The following BSCL2 variants were observed in gnomAD, a reference collection of about 807,000 sequenced individuals.
BSCL2 encodes seipin.
In BSCL2, 41 loss-of-function variants were observed where a neutral mutation model predicts 57.4. The ratio of observed to expected loss-of-function variants is 0.71; its 90% confidence interval spans 0.56 to 0.93. The LOEUF is 0.93. Among genes scored for constraint, BSCL2 ranks in the 40% least tolerant of loss-of-function variants. BSCL2 has a pLI of 0.00. For synonymous variants in BSCL2, 237 were observed against 227.3 expected, an observed-to-expected ratio of 1.04 and a Z score of -0.38; for missense variants, 539 against 586.7, an observed-to-expected ratio of 0.92 and a Z score of 0.84.
chr11:62,701,583 A>T (rs1945639754), intron 3 of BSCL2, among the ~76,000 whole-genome samples: 1 of 152,174 alleles, frequency 6.6e-6, no homozygotes, highest in African/African-American at 2.4e-5. Context: ...GACGCCTATA[A>T]TCCCAGCACT....
chr11:62,691,219 A>G, intron 7 of BSCL2, 61 bp downstream of exon 7: 2 of 1,613,980 alleles, frequency 1.2e-6, no homozygotes, highest in South Asian at 1.1e-5. Context: ...TTAATCCCCA[A>G]CATACCCCTG....
intron 3 of BSCL2, among the ~76,000 whole-genome samples, chr11:62,697,942 C>T (rs1177012642): frequency 6.8e-6 from 1 of 147,532 alleles, no homozygotes; most frequent in East Asian, 2.0e-4. Context: ...GAGTCTCGCT[C>T]TGTCGCCCAG....
In BSCL2 at chr11:62,692,378, G is replaced by C. The variant is rs370926100; in HGVS notation, c.861C>G (p.Leu287=). ...YLRIHAHFTG[L]RYLLYNFPMT... is the part of the protein sequence containing the mutation. The stretch of plus-strand genomic sequence containing the variant: ...GTTCACTCCAGTTGGCCCCTCACCT[G>C]AGCCCAGTGAAGTGCGCGTGGATGC... Residue 287 remains leucine, a splice_region_variant and synonymous_variant, in exon 6 of 11, where the codon CTC becomes CTG. Transcript: ENST00000360796. 1 of 1,614,010 alleles carries C rather than the reference G, an allele frequency of 6.2e-7. No homozygotes were observed. The highest frequency in any genetic ancestry group is 8.5e-7 in the Non-Finnish European group (1 of 1,180,016).
intron 1 of BSCL2, chr11:62,706,789 T>A (rs1268029625): frequency 1.8e-6 from 1 of 568,652 alleles, no homozygotes; most frequent in Non-Finnish European, 3.4e-6. Flanking sequence ...GCAGGCAGAT[T>A]AGTGCCCTGT....
chr11:62,708,836 C>A, upstream of BSCL2: 1 of 1,554,684 alleles, frequency 6.4e-7, no homozygotes, highest in South Asian at 1.1e-5. Flanking sequence ...CAACTCCTCC[C>A]TTTTCCCTCT....
chr11:62,699,898 C>T (rs969685398), intron 3 of BSCL2, among the ~76,000 whole-genome samples: 1 of 151,270 alleles, frequency 6.6e-6, no homozygotes, highest in African/African-American at 2.4e-5. Context: ...AGGCTGGTCA[C>T]GAACTCCTGA....
intron 3 of BSCL2, chr11:62,697,350 A>G (rs1945501258): frequency 6.9e-6 from 1 of 144,532 alleles, no homozygotes; most frequent in African/African-American, 2.6e-5. Context: ...AGCCGAGATC[A>G]TGTCACTGCA....
rs2083506488 is a variant in BSCL2 at position 62,705,172 on chromosome 11, T to C, written c.404+129A>G. On this transcript the variant is annotated intron_variant, in intron 2 of 10. Transcript: ENST00000360796. ...AAATCTAGCCTTGGGCTGTGAAAGT[T>C]GAGAGGCCCTGGAAGCACACCTGGC... The C allele has an allele frequency of 2.7e-5, 28 of 1,030,296 alleles. No homozygotes were observed. The South Asian group carries it at 3.9e-4, about 14-fold the overall frequency. 63.8% of individuals were successfully genotyped at this position (1,030,296 alleles called of 1,614,324 possible).
intron 1 of BSCL2, chr11:62,706,289 G>C (rs1032452661): frequency 1.6e-4 from 182 of 1,117,390 alleles, no homozygotes; most frequent in Non-Finnish European, 1.9e-4. Flanking sequence ...GCAACCGTGA[G>C]ACGGGACTTC....
chr11:62,697,892 A>T lies in BSCL2; in HGVS notation c.487-3181T>A, dbSNP rs371166205. Among the ~76,000 whole-genome samples the T allele has an allele frequency of 2.6e-5, 4 of 150,986 alleles. No individual in the cohort carries two copies. The South Asian group carries it at 6.3e-4, about 24-fold the overall frequency. On this transcript the variant is annotated intron_variant, in intron 3 of 10. Transcript: ENST00000360796. Reference sequence around the variant, plus strand: ...TCTAATTCTTCACGAATGCTTCTGGAATGCAGAATCCACATCCTTTTTTTT... The same window carrying T: ...TCTAATTCTTCACGAATGCTTCTGGTATGCAGAATCCACATCCTTTTTTTT...
At chr11:62,707,070 C>A (rs1002299839) in intron 1 of BSCL2, 39 bp downstream of exon 1, 2 of 1,521,448 alleles carry the variant, frequency 1.3e-6, no homozygotes, top group Non-Finnish European at 1.8e-6. Context: ...CACCTATTTC[C>A]AGTATATTTC....
intron 3 of BSCL2, 112 bp downstream of exon 3, chr11:62,702,356 G>A (rs918562797): frequency 3.5e-5 from 35 of 990,324 alleles, no homozygotes; most frequent in Middle Eastern, 2.2e-4. Flanking sequence ...GTGAGCCACC[G>A]TGCCCGGCCA....
intron 3 of BSCL2, among the ~76,000 whole-genome samples, chr11:62,695,247 G>A (rs1314511238): frequency 6.6e-6 from 1 of 152,144 alleles, no homozygotes; most frequent in East Asian, 1.9e-4. Context: ...ACCCTCAAGA[G>A]GTTAAAGATT....
At chr11:62,708,210 C>A, upstream of BSCL2, 1 of 880,834 alleles carries the variant, frequency 1.1e-6, no homozygotes, top group Non-Finnish European at 2.0e-6. Context: ...GGTATGACCA[C>A]AGCCTTGTAA....
Position 62,705,795 on chromosome 11 carries a change from T to G in BSCL2, c.88-178A>C, listed in dbSNP as rs1401626155. 4 of 651,118 alleles carry G rather than the reference T, an allele frequency of 6.1e-6. No homozygotes were observed. The African/African-American group carries it at 7.3e-5, about 12-fold the overall frequency. The allele number at this position is 651,118 out of a possible 1,614,324, so 40.3% of individuals were successfully genotyped here. ...TCTGCCAATTACCCCTTCCCTTTCC[T>G]CCACTGTGTTCCCTCCCGCCCAGTG... On this transcript the variant is annotated intron_variant, in intron 1 of 10. Transcript: ENST00000360796.
intron 1 of BSCL2, chr11:62,706,635 C>T (rs1172938093): frequency 6.3e-6 from 3 of 473,002 alleles, no homozygotes; most frequent in African/African-American, 4.0e-5. Flanking sequence ...CCATTTCACC[C>T]GCGAAGCGGC....
chr11:62,706,771 G>C, intron 1 of BSCL2: 1 of 548,482 alleles, frequency 1.8e-6, no homozygotes, highest in South Asian at 1.5e-5. Flanking sequence ...GGCCTCTTGC[G>C]TTGTTGCGCA....
In BSCL2 at chr11:62,692,792, C is replaced by T; in HGVS notation, c.636G>A (p.Met212Ile). ...RIISTSSRSV[M>I]LHYRSDLLQM... ...GGAGCAGGTCTGAGCGGTAATGCAG[C>T]ATCACCTGCCGGGGGTGGGAAGCAG... The change falls in exon 5 of 11, where the codon ATG becomes ATA. Residue 212 changes from methionine (M) to isoleucine (I), a missense_variant. Met to Ile is a conservative substitution (Grantham distance 10). Transcript: ENST00000360796. 1 of 1,613,330 alleles carries T rather than the reference C, an allele frequency of 6.2e-7. No homozygotes were observed. The highest frequency in any genetic ancestry group is 8.5e-7 in the Non-Finnish European group (1 of 1,179,996).
chr11:62,690,802 C>T lies in BSCL2; in HGVS notation c.1138G>A (p.Asp380Asn), dbSNP rs368900617. ...TGCGCCATACCTGTCCCTGAGGGAT[C>T]TTCAGGGCTCTCACCATCCTCTGTA... ...DVTEDGESPE[D>N]PSGTEGQLSE... is the part of the protein sequence containing the mutation. The change falls in exon 9 of 11, where the codon GAT (aspartate) becomes AAT (asparagine). Residue 380 changes from aspartate (D) to asparagine (N), a missense_variant. This residue lies in a region of BSCL2 where 248 missense variants were observed against 239.9 expected (regional missense o/e 1.03). Coordinates refer to ENST00000360796, the MANE Select transcript of BSCL2 (RefSeq NM_001122955.4). 2 of 1,613,552 alleles carry T rather than the reference C, an allele frequency of 1.2e-6. No homozygotes were observed. Among genetic ancestry groups the T allele is most frequent in the African/African-American group, 1.3e-5 (1 of 74,938 alleles).
Sources: gnomAD v4.1 joint callset for allele counts (sites outside exome capture counted in the v4.1 genomes callset) on GRCh38, gnomAD v4.1.1 for gene constraint, gnomAD v4.1.1 regional missense constraint, MANE v1.5 for transcripts, NCBI Gene and HGNC (gene_info 2026-07-23, HGNC 2026-07-21) for gene names.